The following PTBP3 variants were observed in gnomAD, a reference collection of about 807,000 sequenced individuals.
PTBP3 encodes the protein polypyrimidine tract-binding protein 3.
Under a neutral mutation model 58.7 loss-of-function variants are expected in PTBP3, and 20 were observed. The ratio of observed to expected loss-of-function variants is 0.34; its 90% CI spans 0.24 to 0.50. The LOEUF (loss-of-function observed/expected upper bound fraction) is 0.50. Ranked by LOEUF, PTBP3 falls within the 20% of genes least tolerant of loss-of-function variation. PTBP3 has a pLI of 0.98. For missense variants in PTBP3, 509 were observed against 637.2 expected, an observed-to-expected ratio of 0.80 and a Z score of 2.17; for synonymous variants, 185 against 219.8, an observed-to-expected ratio of 0.84 and a Z score of 1.40.
At chr9:112,271,580 G>A (rs2418201) in intron 3 of PTBP3, among the ~76,000 whole-genome samples, 73,901 of 151,626 alleles carry the variant, frequency 0.49, 18,353 homozygotes, top group African/African-American at 0.58. Context: ...CAAAAAATTA[G>A]CCAGGTGTGG....
At chr9:112,314,229 T>C (rs966638545) in intron 1 of PTBP3, among the ~76,000 whole-genome samples, 2 of 152,100 alleles carry the variant, frequency 1.3e-5, no homozygotes, top group African/African-American at 4.8e-5. Flanking sequence ...ATACCAATCA[T>C]AAGAAAGCTG....
At chr9:112,231,200 C>T (rs1188614915) in intron 10 of PTBP3, among the ~76,000 whole-genome samples, 180 bp downstream of exon 10, 3 of 150,194 alleles carry the variant, frequency 2.0e-5, no homozygotes, top group Non-Finnish European at 4.4e-5. Context: ...CTTTACAAAA[C>T]CTATATTTCC....
the PTBP3 span, among the ~76,000 whole-genome samples, chr9:112,368,649 G>C: frequency 1.3e-5 from 2 of 152,124 alleles, no homozygotes; most frequent in Admixed American, 1.3e-4. Flanking sequence ...ATTTCATAAG[G>C]GGACAATTGA....
intron 8 of PTBP3, 130 bp from the exon 9 acceptor site, chr9:112,232,368 C>G (rs1411395073): frequency 2.1e-6 from 2 of 954,652 alleles, no homozygotes; most frequent in African/African-American, 3.3e-5. Context: ...CATAAAGATA[C>G]TGAAGGCCAG....
the PTBP3 span, among the ~76,000 whole-genome samples, chr9:112,339,612 G>A: frequency 1.4e-5 from 2 of 146,192 alleles, no homozygotes; most frequent in Non-Finnish European, 3.0e-5. Flanking sequence ...CACCCAGGTT[G>A]CTGTGCAGTG....
intron 7 of PTBP3, among the ~76,000 whole-genome samples, chr9:112,240,855 A>G (rs1187722468): frequency 3.3e-5 from 5 of 152,068 alleles, no homozygotes; most frequent in African/African-American, 1.2e-4. Context: ...TAACGTGTGT[A>G]TGTGTCTTAG....
the PTBP3 span, among the ~76,000 whole-genome samples, chr9:112,379,055 G>A: frequency 6.6e-6 from 1 of 152,182 alleles, no homozygotes; most frequent in Non-Finnish European, 1.5e-5. Flanking sequence ...CAGGCGTGGT[G>A]ATGCATGCCT....
At chr9:112,373,164 G>C in the PTBP3 span, among the ~76,000 whole-genome samples, 1 of 152,060 alleles carries the variant, frequency 6.6e-6, no homozygotes, top group African/African-American at 2.4e-5. Flanking sequence ...CCAAAGTGCT[G>C]GGATTACAGG....
the PTBP3 span, among the ~76,000 whole-genome samples, chr9:112,350,884 CG>C: frequency 6.6e-6 from 1 of 152,078 alleles, no homozygotes; most frequent in Non-Finnish European, 1.5e-5. Context: ...CTGCAACCTC[CG>C]CCTCCTTGGT....
intron 10 of PTBP3, among the ~76,000 whole-genome samples, chr9:112,228,880 A>G (rs1187643759): frequency 3.3e-5 from 5 of 152,122 alleles, no homozygotes; most frequent in East Asian, 1.9e-4. Context: ...AATATCTCTC[A>G]TATTTGTCCA....
rs959949547 is a variant in PTBP3 at position 112,324,419 on chromosome 9, G to A, written c.-52+9051C>T. Among the ~76,000 whole-genome samples the A allele has an allele frequency of 4.6e-5, 7 of 152,166 alleles. No homozygotes were observed. The South Asian group carries it at 8.3e-4, about 18-fold the overall frequency. On this transcript the variant is annotated intron_variant, in intron 1 of 13. Transcript: ENST00000374257. ...TGAAATCCCAGCACTTTGGGAGCCC[G>A]AGTCTGGTGGATCAGTTGAGGTCAG...
chr9:112,277,532 G>A (rs1355518388), intron 2 of PTBP3, among the ~76,000 whole-genome samples: 1 of 151,782 alleles, frequency 6.6e-6, no homozygotes, highest in Non-Finnish European at 1.5e-5. Context: ...CCCATATTCT[G>A]GGGATCCAGT....
chr9:112,272,284 T>TG (rs1244787307), intron 3 of PTBP3, among the ~76,000 whole-genome samples: 1 of 152,096 alleles, frequency 6.6e-6, no homozygotes, highest in East Asian at 1.9e-4. Context: ...GGCTGGGTCT[T>TG]GAACTCCTGA....
At chr9:112,238,585 T>C (rs1254148164) in intron 7 of PTBP3, among the ~76,000 whole-genome samples, 3 of 151,910 alleles carry the variant, frequency 2.0e-5, no homozygotes, top group African/African-American at 7.3e-5. Flanking sequence ...GAGCTCCAAT[T>C]AGAATAAAAA....
At chr9:112,379,722 G>A in the PTBP3 span, among the ~76,000 whole-genome samples, 1 of 152,230 alleles carries the variant, frequency 6.6e-6, no homozygotes, top group Non-Finnish European at 1.5e-5. Context: ...CTCTCGGAGG[G>A]CCCAAGCTCA....
chr9:112,231,769 G>A (rs1264650827), intron 9 of PTBP3, among the ~76,000 whole-genome samples: 1 of 151,566 alleles, frequency 6.6e-6, no homozygotes, highest in Non-Finnish European at 1.5e-5. Context: ...TTAGCCAGGC[G>A]TGGTAGTGGG....
chr9:112,229,071 A>C (rs1835103267), intron 10 of PTBP3, among the ~76,000 whole-genome samples: 1 of 152,188 alleles, frequency 6.6e-6, no homozygotes, highest in Non-Finnish European at 1.5e-5. Flanking sequence ...TGGAAAGATA[A>C]TAATCAAACT....
chr9:112,369,385 A>T, the PTBP3 span, among the ~76,000 whole-genome samples: 1 of 152,160 alleles, frequency 6.6e-6, no homozygotes, highest in Non-Finnish European at 1.5e-5. Context: ...GCTGCCCAAG[A>T]CCATGAGAAC....
At chr9:112,326,915 A>G (rs1037765179) in intron 1 of PTBP3, among the ~76,000 whole-genome samples, 130 of 152,322 alleles carry the variant, frequency 8.5e-4, no homozygotes, top group Non-Finnish European at 1.6e-3. Flanking sequence ...AAAAGAATTC[A>G]AAATTAAAGA....
Sources: gnomAD v4.1 joint callset for allele counts (sites outside exome capture counted in the v4.1 genomes callset) on GRCh38, gnomAD v4.1.1 for gene constraint, MANE v1.5 for transcripts, NCBI Gene and HGNC (gene_info 2026-07-23, HGNC 2026-07-21) for gene names.